Variants in CEACAM19 observed in about 807,000 individuals in gnomAD.
CEACAM19 encodes the protein cell adhesion molecule CEACAM19.
In CEACAM19, 37 loss-of-function variants were observed where a neutral mutation model predicts 37.6. The observed-to-expected ratio is 0.98, with a 90% CI of 0.76 to 1.29. The LOEUF (loss-of-function observed/expected upper bound fraction) is 1.29. Among genes scored for constraint, CEACAM19 ranks in the 50% most tolerant of loss-of-function variants. CEACAM19 has a pLI of 0.00. For missense variants in CEACAM19, 340 were observed against 375.6 expected (o/e 0.91, Z 0.78); for synonymous variants, 140 against 149.8 (o/e 0.93, Z 0.48).
At chr19:44,681,181 G>A (rs182004690) in intron 5 of CEACAM19, 46 bp from the exon 6 acceptor site, 1 of 1,350,850 alleles carries the variant, frequency 7.4e-7, no homozygotes, top group African/African-American at 1.4e-5. Context: ...AGAGTGGCCT[G>A]TGGGGCCCAT....
Position 44,681,292 on chromosome 19 carries a change from A to G in CEACAM19, c.772A>G (p.Arg258Gly). The G allele has an allele frequency of 6.2e-7, 1 of 1,613,862 alleles. No homozygotes were observed. The highest frequency in any genetic ancestry group is 8.5e-7 in the Non-Finnish European group (1 of 1,179,868). Reference sequence around the variant, plus strand: ...CCTGGTGTCCCCCATCAGTGACACAAGGTCCATAAACCCAGCCCGGGTGAG... The same window carrying G: ...CCTGGTGTCCCCCATCAGTGACACAGGGTCCATAAACCCAGCCCGGGTGAG... ...VLLVSPISDT[R>G]SINPARPLPT... The change falls in exon 6 of 8, where the codon AGG becomes GGG. Residue 258 changes from arginine (R) to glycine (G), a missense_variant. Transcript: ENST00000358777.
At position 44,671,911 on chromosome 19, in the gene CEACAM19, G is replaced by C; in HGVS notation, c.-21G>C. On this transcript the variant is annotated 5_prime_UTR_variant, in exon 1 of 8. Transcript: ENST00000358777. ...TTAGTGTCCAGCTCGTGGCCCCTTG[G>C]CATTTCCACAAGACGCCAAGATGGA... 2 of 1,598,448 alleles carry C rather than the reference G, an allele frequency of 1.3e-6. No individual in the cohort carries two copies. Among genetic ancestry groups the C allele is most frequent in the Non-Finnish European group, 1.7e-6 (2 of 1,172,150 alleles).
chr19:44,666,499 G>A (rs190149912), upstream of CEACAM19, among the ~76,000 whole-genome samples: 205 of 152,258 alleles, frequency 1.3e-3, 1 homozygote, highest in African/African-American at 3.9e-3. Flanking sequence ...GTGAAACCTC[G>A]TCTCTGCTAG....
chr19:44,667,692 T>A (rs1369024081), upstream of CEACAM19, among the ~76,000 whole-genome samples: 5 of 83,980 alleles, frequency 6.0e-5, no homozygotes, highest in African/African-American at 2.0e-4. Context: ...TATATAAATA[T>A]ATAATATATA....
At position 44,678,862 on chromosome 19, in the gene CEACAM19, T is replaced by G. The variant is rs1337959673; in HGVS notation, c.585T>G (p.Ala195=). The part of the protein sequence containing the change: ...NWRGQSHRLP[A]PRGQGSLSIL... ...TCTCTTTCCACCCTAGACTGCCTGC[T>G]CCGAGGGGCCAGGGATCTCTGTCCA... The change falls in exon 4 of 8, where the codon GCT becomes GCG. Residue 195 remains alanine (A), a synonymous_variant. Transcript: ENST00000358777. The G allele has an allele frequency of 6.2e-7, 1 of 1,613,846 alleles. No individual in the cohort carries two copies. Among genetic ancestry groups the G allele is most frequent in the Non-Finnish European group, 8.5e-7 (1 of 1,179,954 alleles).
chr19:44,672,097 A>G, intron 1 of CEACAM19, 111 bp downstream of exon 1: 2 of 885,104 alleles, frequency 2.3e-6, no homozygotes, highest in Non-Finnish European at 3.6e-6. Context: ...TGAAATTAGA[A>G]TAAGATGGGG....
chr19:44,678,118 A>T (rs1208190220), intron 3 of CEACAM19: 1 of 152,252 alleles, frequency 6.6e-6, no homozygotes, highest in African/African-American at 2.4e-5. Context: ...AACTGGGACC[A>T]CAGGCCTGTG....
chr19:44,678,926 C>T lies in CEACAM19; in HGVS notation c.649C>T (p.Pro217Ser), dbSNP rs1473692875. ...SAVSPVPSVT[P>S]STWMATTEKP... is the part of the protein sequence containing the mutation. ...TGTATCCCCAGTGCCTTCAGTGACG[C>T]CCAGCACATGGTTGGTGCTTGTAAA... The change falls in exon 4 of 8, where the codon CCC becomes TCC. Residue 217 changes from proline to serine, a missense_variant. Transcript: ENST00000358777. 6 of 1,613,896 alleles carry T rather than the reference C, an allele frequency of 3.7e-6. No homozygotes were observed. The highest frequency in any genetic ancestry group is 5.1e-6 in the Non-Finnish European group (6 of 1,179,990).
At chr19:44,667,694 TAATATATATTATATAAATATATATA>T (rs1377637777), upstream of CEACAM19, among the ~76,000 whole-genome samples, 4 of 83,098 alleles carry the variant, frequency 4.8e-5, no homozygotes, top group African/African-American at 2.0e-4. Context: ...TATAAATATA[TAATATATATTATATAAATATATATA>T]AATTATATAT....
intron 5 of CEACAM19, 23 bp from the exon 6 acceptor site, chr19:44,681,204 A>T: frequency 1.3e-6 from 2 of 1,584,062 alleles, no homozygotes; most frequent in Non-Finnish European, 1.7e-6. Context: ...GTCAGCTGGT[A>T]CCTCCCCTGG....
At chr19:44,680,995 CT>C (rs1974047808) in intron 5 of CEACAM19, among the ~76,000 whole-genome samples, 1 of 147,742 alleles carries the variant, frequency 6.8e-6, no homozygotes, top group South Asian at 2.3e-4. Flanking sequence ...GCCCTAAACA[CT>C]CCAGGTTGTC....
At chr19:44,682,787 A>G in intron 7 of CEACAM19, 167 bp downstream of exon 7, 1 of 601,244 alleles carries the variant, frequency 1.7e-6, no homozygotes, top group Non-Finnish European at 2.9e-6. Context: ...CCTCCCTGAG[A>G]GACCCTGGCA....
At chr19:44,666,744 G>A (rs1973721583), upstream of CEACAM19, among the ~76,000 whole-genome samples, 1 of 151,452 alleles carries the variant, frequency 6.6e-6, no homozygotes, top group African/African-American at 2.5e-5. Flanking sequence ...TTGAGGATGT[G>A]GAGGATTGGA....
intron 5 of CEACAM19, among the ~76,000 whole-genome samples, chr19:44,680,902 T>C (rs1222839541): frequency 6.6e-6 from 1 of 151,864 alleles, no homozygotes; most frequent in Non-Finnish European, 1.5e-5. Flanking sequence ...AGATGCCCCC[T>C]CCTCCAGGAA....
chr19:44,674,188 C>T (rs1019894720), intron 2 of CEACAM19, among the ~76,000 whole-genome samples: 3 of 150,818 alleles, frequency 2.0e-5, no homozygotes, highest in Non-Finnish European at 2.9e-5. Flanking sequence ...TGCAGTGAAC[C>T]GAGATCATGC....
In CEACAM19 at chr19:44,678,757, C is replaced by G. The variant is rs187398102; in HGVS notation, c.576-96C>G. 1,167 of 1,522,604 alleles carry G rather than the reference C, an allele frequency of 7.7e-4. 1 individual carries two copies. Among genetic ancestry groups the G allele is most frequent in the Admixed American group, 1.9e-3 (97 of 52,426 alleles). 94.3% of individuals were successfully genotyped at this position (1,522,604 alleles called of 1,614,324 possible). A position where few individuals can be genotyped will look rare whatever the true frequency, so the allele number is the denominator to read the frequency against. Reference sequence around the variant, plus strand: ...GCACACACACCTTCCACCCCCTCCCCCCTCTCCATTTTCCTTCATAGGGAA... The same window carrying G: ...GCACACACACCTTCCACCCCCTCCCGCCTCTCCATTTTCCTTCATAGGGAA... On this transcript the variant is annotated intron_variant, in intron 3 of 7. Transcript: ENST00000358777.
At chr19:44,675,095 A>AGTGT (rs1267485271) in intron 2 of CEACAM19, among the ~76,000 whole-genome samples, 69 of 109,718 alleles carry the variant, frequency 6.3e-4, no homozygotes, top group Admixed American at 1.3e-3. Context: ...TTCAGAGAAC[A>AGTGT]GCGTGTGTGT....
Position 44,672,658 on chromosome 19 carries a change from C to A in CEACAM19, c.118C>A (p.Pro40Thr). ...GGCAGCTCTCTACATCCAGAAGATTCCAGAGCAGCCTCAAAAGAACCAGGA... is the reference window on the plus strand; with the variant it reads ...GGCAGCTCTCTACATCCAGAAGATTACAGAGCAGCCTCAAAAGAACCAGGA... ...SQAALYIQKI[P>T]EQPQKNQDLL... The change falls in exon 2 of 8, where the codon CCA becomes ACA. Residue 40 changes from proline to threonine, a missense_variant. Coordinates refer to ENST00000358777, the MANE Select transcript of CEACAM19 (RefSeq NM_001127893.3). 6.5e-7 allele frequency: 1 copy of A among 1,529,296 alleles called. No homozygotes were observed. The allele number at this position is 1,529,296 out of a possible 1,614,324, so 94.7% of individuals were successfully genotyped here. A position where few individuals can be genotyped will look rare whatever the true frequency, so the allele number is the denominator to read the frequency against.
At chr19:44,668,408 T>TAATATATAATATATATA (rs1973784044), upstream of CEACAM19, among the ~76,000 whole-genome samples, 3 of 19,710 alleles carry the variant, frequency 1.5e-4, no homozygotes, top group African/African-American at 4.7e-4. Context: ...AATATGTTTA[T>TAATATATAATATATATA]ATATTATATA....
Sources: gnomAD v4.1 joint callset for allele counts (sites outside exome capture counted in the v4.1 genomes callset) on GRCh38, gnomAD v4.1.1 for gene constraint, MANE v1.5 for transcripts, NCBI Gene and HGNC (gene_info 2026-07-23, HGNC 2026-07-21) for gene names.